Variants in WWOX observed in about 807,000 individuals in gnomAD.
The protein encoded by WWOX is WW domain-containing oxidoreductase.
Under a neutral mutation model 46.2 loss-of-function variants are expected in WWOX, and 69 were observed. The observed-to-expected ratio is 1.49, with a 90% CI of 1.23 to 1.82. The LOEUF (loss-of-function observed/expected upper bound fraction) is 1.82, where lower values mean the gene tolerates loss of function less well. WWOX is among the 40% of genes most tolerant of loss of function. WWOX has a pLI of 0.00. For synonymous variants in WWOX, 359 were observed against 202.6 expected (o/e 1.77, Z -6.56); for missense variants, 919 against 542.6 (o/e 1.69, Z -6.89).
At chr16:79,007,309 T>C (rs1240351324) in intron 8 of WWOX, among the ~76,000 whole-genome samples, 1 of 152,158 alleles carries the variant, frequency 6.6e-6, no homozygotes, top group South Asian at 2.1e-4. Flanking sequence ...GGAGGGCCCC[T>C]GAGAAACTCT....
chr16:78,758,978 G>C (rs1445424761), intron 8 of WWOX, among the ~76,000 whole-genome samples: 1 of 150,380 alleles, frequency 6.6e-6, no homozygotes, highest in African/African-American at 2.4e-5. Flanking sequence ...ACAAAACCCA[G>C]GGCATATTTT....
Position 78,287,163 on chromosome 16 carries a change from C to T in WWOX, c.517-99697C>T, listed in dbSNP as rs74960180. ...GAACTGGCAATCAACGCCATAAGGA[C>T]AATAAAATAAAATACATTTCTCCAC... On this transcript the variant is annotated intron_variant, in intron 5 of 8. Coordinates refer to ENST00000566780, the MANE Select transcript of WWOX (RefSeq NM_016373.4). 6.2e-3 allele frequency among the ~76,000 whole-genome samples: 941 copies of T among 152,304 alleles called. 24 individuals are homozygous for T. The highest frequency in any genetic ancestry group is 0.046 in the Admixed American group (698 of 15,298).
intron 8 of WWOX, among the ~76,000 whole-genome samples, chr16:78,765,319 G>A (rs1030667166): frequency 2.6e-5 from 4 of 152,226 alleles, no homozygotes; most frequent in South Asian, 2.1e-4. Context: ...TGGTAGAGGC[G>A]TTGAACACTA....
intron 8 of WWOX, among the ~76,000 whole-genome samples, chr16:78,782,905 A>G (rs868298742): frequency 6.6e-5 from 10 of 152,174 alleles, no homozygotes; most frequent in Middle Eastern, 3.2e-3. Flanking sequence ...GTATTGTTTT[A>G]TATCTATTAC....
intron 8 of WWOX, among the ~76,000 whole-genome samples, chr16:78,590,154 C>CTCTCTCTT (rs1300846574): frequency 3.3e-5 from 5 of 151,810 alleles, no homozygotes; most frequent in African/African-American, 1.2e-4. Context: ...CAGTCTCTCT[C>CTCTCTCTT]TCTCTCTCTG....
chr16:78,920,718 T>C (rs897659926), intron 8 of WWOX, among the ~76,000 whole-genome samples: 1 of 152,128 alleles, frequency 6.6e-6, no homozygotes, highest in Non-Finnish European at 1.5e-5. Context: ...AGAGAGAAAG[T>C]GTGACCTACT....
intron 8 of WWOX, among the ~76,000 whole-genome samples, chr16:78,824,591 G>A (rs1477255942): frequency 6.6e-6 from 1 of 152,150 alleles, no homozygotes; most frequent in Admixed American, 6.5e-5. Flanking sequence ...GGCTGGGGAG[G>A]CCTCAGAATC....
chr16:79,054,581 G>T (rs963248292), intron 8 of WWOX, among the ~76,000 whole-genome samples: 1 of 152,174 alleles, frequency 6.6e-6, no homozygotes. Context: ...CCACACTTGG[G>T]GCGGTCAAGG....
chr16:78,827,331 T>C (rs557238716), intron 8 of WWOX, among the ~76,000 whole-genome samples: 1 of 152,136 alleles, frequency 6.6e-6, no homozygotes, highest in Non-Finnish European at 1.5e-5. Flanking sequence ...GGAAGCACGA[T>C]GATCTTGACC....
At chr16:78,422,748 C>T (rs1415536424) in intron 6 of WWOX, among the ~76,000 whole-genome samples, 8 of 95,570 alleles carry the variant, frequency 8.4e-5, no homozygotes, top group African/African-American at 6.7e-4. Context: ...CATATATATA[C>T]ACATATATAC....
chr16:79,100,943 G>T (rs372221508), intron 8 of WWOX, among the ~76,000 whole-genome samples: 13 of 152,110 alleles, frequency 8.5e-5, no homozygotes, highest in African/African-American at 2.9e-4. Flanking sequence ...GGGGTTAGGC[G>T]TAACGTCTTT....
At chr16:78,356,554 A>T (rs2081296304) in intron 5 of WWOX, among the ~76,000 whole-genome samples, 1 of 152,058 alleles carries the variant, frequency 6.6e-6, no homozygotes, top group African/African-American at 2.4e-5. Context: ...GGGCAGTGGG[A>T]CAGAGAGGTG....
intron 4 of WWOX, among the ~76,000 whole-genome samples, chr16:78,145,004 TAA>T (rs995012551): frequency 2.0e-5 from 3 of 152,138 alleles, no homozygotes; most frequent in South Asian, 2.1e-4. Context: ...TCACAGAAGT[TAA>T]GTCTATTAGT....
At chr16:78,453,819 T>A (rs868538900) in intron 8 of WWOX, among the ~76,000 whole-genome samples, 2 of 146,394 alleles carry the variant, frequency 1.4e-5, no homozygotes, top group African/African-American at 5.4e-5. Context: ...TTGAAAGCCT[T>A]TTTACCAAAA....
Position 78,573,004 on chromosome 16 carries a change from A to C in WWOX, c.1056+140252A>C, listed in dbSNP as rs567511609. On this transcript the variant is annotated intron_variant, in intron 8 of 8. Transcript: ENST00000566780. ...TCCTGTAGTAAAAATTAAAAAAATTATAGCCGGGCACGGTGGCTCACGCCT... is the reference window on the plus strand; with the variant it reads ...TCCTGTAGTAAAAATTAAAAAAATTCTAGCCGGGCACGGTGGCTCACGCCT... Among the ~76,000 whole-genome samples the C allele has an allele frequency of 2.0e-5, 3 of 152,286 alleles. No individual in the cohort carries two copies. In the East Asian group the frequency reaches 5.8e-4, roughly 29 times the overall value.
rs71137871 is a variant in WWOX at position 78,101,346 on chromosome 16, C to CTTTTTTTTTT, written c.107+1469_107+1478dup. On this transcript the variant is annotated intron_variant, in intron 1 of 8. Transcript: ENST00000566780. The stretch of plus-strand genomic sequence containing the variant: ...ACAGGCGTGAGCTACCGCTCCCGGC[C>CTTTTTTTTTT]TTTTTTTTTTTTTTTTTAAAGACAG... 5.8e-3 allele frequency among the ~76,000 whole-genome samples: 390 copies of CTTTTTTTTTT among 66,822 alleles called. 42 individuals carry two copies. Among genetic ancestry groups the CTTTTTTTTTT allele is most frequent in the African/African-American group, 0.011 (241 of 22,054 alleles). The allele number at this position is 66,822 out of a possible 152,430, so 43.8% of individuals were successfully genotyped here. A position where few individuals can be genotyped will look rare whatever the true frequency, so the allele number is the denominator to read the frequency against.
chr16:78,370,490 A>G (rs1749858733), intron 5 of WWOX, among the ~76,000 whole-genome samples: 1 of 32,672 alleles, frequency 3.1e-5, no homozygotes, highest in Admixed American at 2.4e-4. Flanking sequence ...GGGGGTATCT[A>G]CGATGTTTTT....
Position 78,263,996 on chromosome 16 carries a change from C to CTTTTTTTTTTTTTTTTTTTTTTTT in WWOX, c.516+99726_516+99727insTTTTTTTTTTTTTTTTTTTTTTTT, listed in dbSNP as rs757195574. On this transcript the variant is annotated intron_variant, in intron 5 of 8. Transcript: ENST00000566780. ...AGAAATATGTGTTTGGCTGTGAAATCTTTTTTTTTTTTTTTTTTTGTTTTT... is the reference window on the plus strand; with the variant it reads ...AGAAATATGTGTTTGGCTGTGAAATCTTTTTTTTTTTTTTTTTTTTTTTTTTTTTTTTTTTTTTTTTTTGTTTTT... Among the ~76,000 whole-genome samples, 103 of 78,816 alleles carry CTTTTTTTTTTTTTTTTTTTTTTTT rather than the reference C, an allele frequency of 1.3e-3. 24 individuals are homozygous for CTTTTTTTTTTTTTTTTTTTTTTTT. Among genetic ancestry groups the CTTTTTTTTTTTTTTTTTTTTTTTT allele is most frequent in the Non-Finnish European group, 1.4e-3 (66 of 45,530 alleles). The allele number at this position is 78,816 out of a possible 152,430, so 51.7% of individuals were successfully genotyped here.
chr16:79,061,750 G>C (rs2048361237), intron 8 of WWOX, among the ~76,000 whole-genome samples: 1 of 151,832 alleles, frequency 6.6e-6, no homozygotes. Flanking sequence ...GAGTCGTTAA[G>C]GTTTTGAGCA....
Sources: allele counts gnomAD v4.1 joint callset (sites outside exome capture counted in the v4.1 genomes callset), GRCh38; gene constraint gnomAD v4.1.1; transcripts MANE v1.5; gene names NCBI Gene and HGNC (gene_info 2026-07-23, HGNC 2026-07-21).